ZFHX3: variants seen among roughly 807,000 people sequenced by gnomAD.
ZFHX3 encodes zinc finger homeobox 3, also known as zinc finger homeobox protein 3.
A neutral mutation model predicts 279.1 loss-of-function variants in ZFHX3; 42 were observed. That is an observed-to-expected ratio of 0.15 (90% CI 0.12 to 0.19). The LOEUF (loss-of-function observed/expected upper bound fraction) is 0.19. ZFHX3 is among the 10% of genes least tolerant of loss of function. The probability of loss-of-function intolerance (pLI) is 1.00; values close to 1 mark genes in which losing one functional copy is unlikely to be tolerated. For missense variants in ZFHX3, 4,981 were observed against 4,754.0 expected, an observed-to-expected ratio of 1.05 and a Z score of -1.40; for synonymous variants, 2,293 against 1,957.8, an observed-to-expected ratio of 1.17 and a Z score of -4.52.
In ZFHX3 at chr16:72,957,794, G is replaced by GGCTGCC. The variant is rs771285902; in HGVS notation, c.2346_2351dup (p.Ala783_Ala784dup). Reference sequence around the variant, plus strand: ...GGGCCCCGCAGGAGCTACTGATATTGGCTGCCGCCGCCGCCGCAGCCACCG... The same window carrying GGCTGCC: ...GGGCCCCGCAGGAGCTACTGATATTGGCTGCCGCTGCCGCCGCCGCCGCAGCCACCG... On this transcript the variant is annotated inframe_insertion, in exon 2 of 10. Transcript: ENST00000268489. The GGCTGCC allele has an allele frequency of 8.1e-6, 13 of 1,610,700 alleles. No homozygotes were observed. Among genetic ancestry groups the GGCTGCC allele is most frequent in the African/African-American group, 2.7e-5 (2 of 74,810 alleles).
At chr16:73,600,771 T>A (rs1335958215) in intron 2 of ZFHX3, among the ~76,000 whole-genome samples, 3 of 152,114 alleles carry the variant, frequency 2.0e-5, no homozygotes, top group Admixed American at 6.6e-5. Context: ...CCATTAGGCT[T>A]GTCTTTGTCA....
chr16:73,234,329 A>T (rs1203885573), intron 5 of ZFHX3, among the ~76,000 whole-genome samples: 1 of 152,236 alleles, frequency 6.6e-6, no homozygotes, highest in African/African-American at 2.4e-5. Context: ...CCTCACAATC[A>T]GTAAATGGCT....
At chr16:73,179,315 A>G (rs756321762) in intron 5 of ZFHX3, among the ~76,000 whole-genome samples, 11 of 152,182 alleles carry the variant, frequency 7.2e-5, no homozygotes, top group Non-Finnish European at 1.3e-4. Flanking sequence ...GCCACCTACA[A>G]GTAACACAAG....
At position 72,958,471 on chromosome 16, in the gene ZFHX3, C is replaced by T. The variant is rs770958977; in HGVS notation, c.1675G>A (p.Val559Ile). The T allele has an allele frequency of 6.8e-6, 11 of 1,613,998 alleles. No individual in the cohort carries two copies. Among genetic ancestry groups the T allele is most frequent in the African/African-American group, 2.7e-5 (2 of 74,930 alleles). ...CTCCTGTTCGCACCATCAAAGACAACAAAGGAAGAAGCAGAATTAGAACTA... is the reference window on the plus strand; with the variant it reads ...CTCCTGTTCGCACCATCAAAGACAATAAAGGAAGAAGCAGAATTAGAACTA... ...STSSNSASSF[V>I]VFDGANRRNR... The change falls in exon 2 of 10, where the codon GTT becomes ATT. Residue 559 changes from valine to isoleucine, a missense_variant. This residue lies in a region of ZFHX3 where 1,068 missense variants were observed against 935.2 expected (regional missense o/e 1.14). Coordinates refer to ENST00000268489, the MANE Select transcript of ZFHX3 (RefSeq NM_006885.4).
chr16:72,828,617 ATATGCAGGGCAGGCACCACC>A (rs201005749), intron 5 of ZFHX3, among the ~76,000 whole-genome samples: 5,026 of 152,340 alleles, frequency 0.033, 608 homozygotes, highest in East Asian at 0.28. Flanking sequence ...GACAGGAAGA[ATATGCAGGGCAGGCACCACC>A]TGTGCAGGGC....
intron 2 of ZFHX3, among the ~76,000 whole-genome samples, chr16:73,539,775 G>C (rs1597374540): frequency 3.3e-5 from 5 of 152,096 alleles, no homozygotes; most frequent in Admixed American, 2.6e-4. Flanking sequence ...TCAACACCTG[G>C]TCTGGGTTTT....
At chr16:73,157,332 T>C (rs1967113027) in intron 5 of ZFHX3, among the ~76,000 whole-genome samples, 1 of 152,150 alleles carries the variant, frequency 6.6e-6, no homozygotes, top group East Asian at 1.9e-4. Context: ...AGCTCAGCTA[T>C]CAGACACGGA....
chr16:73,230,655 C>T (rs1033321563), intron 5 of ZFHX3, among the ~76,000 whole-genome samples: 2 of 152,130 alleles, frequency 1.3e-5, no homozygotes, highest in South Asian at 2.1e-4. Flanking sequence ...TAGACCTACT[C>T]GGGAAGGCCT....
intron 2 of ZFHX3, among the ~76,000 whole-genome samples, chr16:73,568,040 G>T (rs189656624): frequency 6.6e-6 from 1 of 152,128 alleles, no homozygotes; most frequent in South Asian, 2.1e-4. Flanking sequence ...CTTCAACAAA[G>T]GGTCAGGAAG....
intron 2 of ZFHX3, among the ~76,000 whole-genome samples, chr16:73,670,197 T>G (rs1217518865): frequency 6.6e-6 from 1 of 152,190 alleles, no homozygotes; most frequent in Non-Finnish European, 1.5e-5. Context: ...GACCAAAGAC[T>G]ACAGCAGAAA....
At chr16:73,566,127 C>T (rs2020447323) in intron 2 of ZFHX3, among the ~76,000 whole-genome samples, 1 of 152,208 alleles carries the variant, frequency 6.6e-6, no homozygotes, top group African/African-American at 2.4e-5. Flanking sequence ...CATCTCTCTC[C>T]TGATAGGGCT....
At chr16:72,902,754 C>T (rs1186562090) in intron 3 of ZFHX3, among the ~76,000 whole-genome samples, 1 of 151,942 alleles carries the variant, frequency 6.6e-6, no homozygotes, top group Non-Finnish European at 1.5e-5. Flanking sequence ...TTTGAGACAC[C>T]GTTTTCAGAG....
At chr16:73,484,021 C>G (rs970118293) in intron 2 of ZFHX3, among the ~76,000 whole-genome samples, 5 of 149,902 alleles carry the variant, frequency 3.3e-5, no homozygotes, top group Non-Finnish European at 5.9e-5. Flanking sequence ...CCCCACTAGA[C>G]AGTGCACGGA....
At chr16:73,881,578 T>C (rs1282525187) in intron 1 of ZFHX3, among the ~76,000 whole-genome samples, 1 of 150,476 alleles carries the variant, frequency 6.6e-6, no homozygotes, top group Non-Finnish European at 1.5e-5. Context: ...CATTTTTATC[T>C]GTTTAGGAAA....
chr16:73,445,468 AG>A (rs2018171128), intron 3 of ZFHX3, among the ~76,000 whole-genome samples: 1 of 152,056 alleles, frequency 6.6e-6, no homozygotes, highest in African/African-American at 2.4e-5. Context: ...ATCAATTAGA[AG>A]GGATCAATGG....
intron 3 of ZFHX3, among the ~76,000 whole-genome samples, chr16:73,419,578 G>C (rs1446666369): frequency 6.6e-6 from 1 of 151,960 alleles, no homozygotes; most frequent in Non-Finnish European, 1.5e-5. Context: ...GGTTCCCTCA[G>C]TCTTCCCACC....
intron 2 of ZFHX3, among the ~76,000 whole-genome samples, chr16:73,546,049 A>G (rs1348999953): frequency 6.6e-6 from 1 of 152,196 alleles, no homozygotes; most frequent in East Asian, 1.9e-4. Context: ...ATCCTAATCA[A>G]TCAAAGGGCT....
chr16:72,950,503 T>C lies in ZFHX3; in HGVS notation c.3182A>G (p.Asn1061Ser). ...CTTCAGGCTGGCCTCGTGCCTGGAG[T>C]TGACCGTGTGCAGCCGCAGCTTCTC... ...SLEKLRLHTV[N>S]SRHEASLKLY... is the part of the protein sequence containing the mutation. The change falls in exon 3 of 10, where the codon AAC becomes AGC. Residue 1061 changes from asparagine (N) to serine (S), a missense_variant. Physicochemically the swap from Asn to Ser is conservative, Grantham distance 46. This residue lies in a region of ZFHX3 where 1,751 missense variants were observed against 1,770.0 expected (regional missense o/e 0.99). Coordinates refer to ENST00000268489, the MANE Select transcript of ZFHX3 (RefSeq NM_006885.4). The C allele has an allele frequency of 1.2e-6, 2 of 1,614,000 alleles. No homozygotes were observed. Among genetic ancestry groups the C allele is most frequent in the East Asian group, 2.2e-5 (1 of 44,874 alleles).
chr16:72,790,240 G>A (rs942502910), intron 9 of ZFHX3: 1 of 152,574 alleles, frequency 6.6e-6, no homozygotes, highest in Non-Finnish European at 1.5e-5. Flanking sequence ...AGTGTGTGCT[G>A]GACGATGAAA....
Sources: gnomAD v4.1 joint callset for allele counts (sites outside exome capture counted in the v4.1 genomes callset) on GRCh38, gnomAD v4.1.1 for gene constraint, gnomAD v4.1.1 regional missense constraint, MANE v1.5 for transcripts, NCBI Gene and HGNC (gene_info 2026-07-23, HGNC 2026-07-21) for gene names.